Variants in PLEKHA6 observed in about 807,000 individuals in gnomAD.
PLEKHA6 encodes the protein pleckstrin homology domain-containing family A member 6.
A neutral mutation model predicts 116.7 loss-of-function variants in PLEKHA6; 60 were observed. The ratio of observed to expected loss-of-function variants is 0.51; its 90% CI spans 0.42 to 0.64. PLEKHA6 has a LOEUF of 0.64. Ranked by LOEUF, PLEKHA6 falls within the 30% of genes least tolerant of loss-of-function variation. The pLI is 0.00. For synonymous variants in PLEKHA6, 489 were observed against 556.1 expected (o/e 0.88, Z 1.70); for missense variants, 1,338 against 1,422.7 (o/e 0.94, Z 0.96).
chr1:204,236,404 C>A (rs1316054857), intron 17 of PLEKHA6, among the ~76,000 whole-genome samples: 3 of 152,094 alleles, frequency 2.0e-5, no homozygotes, highest in Non-Finnish European at 4.4e-5. Flanking sequence ...CTCATTCCAG[C>A]TGGGAGGGTC....
chr1:204,310,389 C>T (rs74919207), intron 1 of PLEKHA6, among the ~76,000 whole-genome samples: 2,225 of 152,332 alleles, frequency 0.015, 31 homozygotes, highest in Non-Finnish European at 0.024. Flanking sequence ...ACTTCCAGGT[C>T]AACTTTGACT....
At chr1:204,310,339 T>A (rs1238521403) in intron 1 of PLEKHA6, among the ~76,000 whole-genome samples, 3 of 152,242 alleles carry the variant, frequency 2.0e-5, no homozygotes, top group African/African-American at 7.2e-5. Flanking sequence ...CTTACTTCTA[T>A]CAATGTCAAT....
chr1:204,245,744 TG>T lies in PLEKHA6; in HGVS notation c.1921-19del, dbSNP rs768939493. 3 of 1,555,248 alleles carry T rather than the reference TG, an allele frequency of 1.9e-6. No homozygotes were observed. In the East Asian group the frequency reaches 6.7e-5, roughly 35 times the overall value. ...ACCTCATTCTGAAGCAGCCACACAG[TG>T]AGTCAAAGGAAATGGCCATGAGGAG... On this transcript the variant is annotated intron_variant, in intron 13 of 22. Transcript: ENST00000272203.
chr1:204,264,105 A>T (rs1259840869), intron 6 of PLEKHA6, among the ~76,000 whole-genome samples: 1 of 152,172 alleles, frequency 6.6e-6, no homozygotes, highest in Admixed American at 6.5e-5. Flanking sequence ...TTGGACAGCA[A>T]TTGTCAATTA....
intron 1 of PLEKHA6, among the ~76,000 whole-genome samples, chr1:204,315,376 C>T (rs1376649708): frequency 1.3e-5 from 2 of 152,184 alleles, no homozygotes; most frequent in Non-Finnish European, 2.9e-5. Flanking sequence ...TTCTATGGCT[C>T]CATGTGTAAG....
rs148390941 is a variant in PLEKHA6, at chr1:204,257,555, G to C, written c.1322C>G (p.Ser441Cys). 17 of 1,600,304 alleles carry C rather than the reference G, an allele frequency of 1.1e-5. No homozygotes were observed. The African/African-American group carries it at 1.7e-4, about 16-fold the overall frequency. ...CAGGGACAGGCGGCGCAGGGAGCTA[G>C]AGGCGGCATCCAGCTCATCATAATA... ...PVYYDELDAA[S>C]SSLRRLSLQP... is the part of the protein sequence containing the mutation. Residue 441 changes from serine (S) to cysteine (C), a missense_variant, in exon 9 of 23, where the codon TCT (serine) becomes TGT (cysteine). Physicochemically the swap from Ser to Cys is moderately radical, Grantham distance 112. Around this residue, in one of 3 missense-constraint regions of PLEKHA6, gnomAD observed 1,136 missense variants for 1,163.6 expected, o/e 0.98. Transcript: ENST00000272203. The surrounding 1 kb of genome is among the most constrained non-coding windows in gnomAD (Gnocchi z 6.5).
chr1:204,227,144 C>A (rs957996844), intron 21 of PLEKHA6, among the ~76,000 whole-genome samples: 6 of 152,222 alleles, frequency 3.9e-5, no homozygotes, highest in Admixed American at 6.5e-5. Context: ...TTCTAACCTG[C>A]TCATGGCCTG....
Position 204,223,731 on chromosome 1 carries a change from T to G in PLEKHA6, c.3032-146A>C, listed in dbSNP as rs1457122227. ...CACTGAGCTTGGAGCTTGCTCAAGC[T>G]AGGCCAAGCTGTCCTCATTCCCAGG... On this transcript the variant is annotated intron_variant, in intron 21 of 22. Transcript: ENST00000272203. This position sits in a 1 kb window ranked among gnomAD's most constrained non-coding sequence, Gnocchi z 4.8. The G allele has an allele frequency of 1.6e-6, 1 of 611,006 alleles. No homozygotes were observed. The highest frequency in any genetic ancestry group is 3.0e-6 in the Non-Finnish European group (1 of 338,778). 37.8% of individuals were successfully genotyped at this position (611,006 alleles called of 1,614,324 possible).
At chr1:204,260,607 TG>T (rs1356803995) in intron 7 of PLEKHA6, among the ~76,000 whole-genome samples, 1 of 152,182 alleles carries the variant, frequency 6.6e-6, no homozygotes, top group East Asian at 1.9e-4. Flanking sequence ...CATATTCAAG[TG>T]GGATTGTTGA....
intron 1 of PLEKHA6, among the ~76,000 whole-genome samples, chr1:204,374,705 T>A (rs1298025747): frequency 6.6e-6 from 1 of 152,140 alleles, no homozygotes. Context: ...TCCTCCTCTG[T>A]CTGTGTCTTC....
intron 1 of PLEKHA6, among the ~76,000 whole-genome samples, chr1:204,280,711 A>G (rs892958748): frequency 2.6e-5 from 4 of 152,252 alleles, no homozygotes; most frequent in Middle Eastern, 3.4e-3. Context: ...GCCACAGAGG[A>G]GGGGAAGGTG....
rs1660654727 is a variant in PLEKHA6 at position 204,228,244 on chromosome 1, C to T, written c.2886-16G>A. On this transcript the variant is annotated splice_polypyrimidine_tract_variant and intron_variant, in intron 20 of 22. Transcript: ENST00000272203. The surrounding 1 kb of genome is among the most constrained non-coding windows in gnomAD (Gnocchi z 4.0). The stretch of plus-strand genomic sequence containing the variant: ...GTTCTGCATACTGAAGAGGCACAGA[C>T]ACACAGAAATGGAGGGAGGGACAGG... 5 of 1,580,526 alleles carry T rather than the reference C, an allele frequency of 3.2e-6. No individual in the cohort carries two copies. The East Asian group carries it at 1.1e-4, about 36-fold the overall frequency.
intron 1 of PLEKHA6, chr1:204,311,387 A>G (rs1671651852): frequency 6.5e-6 from 1 of 152,866 alleles, no homozygotes; most frequent in Non-Finnish European, 1.5e-5. Context: ...GCTACTCGGG[A>G]GGCTGAGGCA....
chr1:204,253,833 CAAAAA>C lies in PLEKHA6; in HGVS notation c.1525-3224_1525-3220del, dbSNP rs5780222. Among the ~76,000 whole-genome samples, 116 of 131,946 alleles carry C rather than the reference CAAAAA, an allele frequency of 8.8e-4. 1 individual carries two copies. The highest frequency in any genetic ancestry group is 1.4e-3 in the East Asian group (6 of 4,438). 86.6% of individuals were successfully genotyped at this position (131,946 alleles called of 152,430 possible). A position where few individuals can be genotyped will look rare whatever the true frequency, so the allele number is the denominator to read the frequency against. On this transcript the variant is annotated intron_variant, in intron 9 of 22. Transcript: ENST00000272203. ...TAGGCAACAGAGTGAGATCTTGTCT[CAAAAA>C]AAAAAAAAAAAACAAAAACAAAAAC...
At chr1:204,321,283 GATCTGCAC>G (rs1231087901) in intron 1 of PLEKHA6, among the ~76,000 whole-genome samples, 1 of 152,114 alleles carries the variant, frequency 6.6e-6, no homozygotes, top group Non-Finnish European at 1.5e-5. Context: ...GAATCCTGAG[GATCTGCAC>G]ATGACCATAA....
intron 1 of PLEKHA6, among the ~76,000 whole-genome samples, chr1:204,291,981 A>T (rs950853915): frequency 2.6e-5 from 4 of 152,170 alleles, no homozygotes; most frequent in African/African-American, 7.2e-5. Context: ...TATTGGGCAC[A>T]CCCATTCTGT....
At chr1:204,234,457 C>G (rs1263765604) in intron 17 of PLEKHA6, among the ~76,000 whole-genome samples, 4 of 152,212 alleles carry the variant, frequency 2.6e-5, no homozygotes, top group Admixed American at 6.5e-5. Flanking sequence ...TTCACACTAC[C>G]TTGGATCAGC....
intron 1 of PLEKHA6, among the ~76,000 whole-genome samples, chr1:204,304,787 G>A (rs1239538883): frequency 6.6e-6 from 1 of 152,134 alleles, no homozygotes; most frequent in South Asian, 2.1e-4. Context: ...TACGCTTTTG[G>A]GATTCAGACC....
chr1:204,332,727 G>A lies in PLEKHA6; in HGVS notation c.-95+26967C>T, dbSNP rs541580091. On this transcript the variant is annotated intron_variant, in intron 1 of 22. Coordinates refer to ENST00000272203, the MANE Select transcript of PLEKHA6 (RefSeq NM_014935.5). ...AAGGAAACAGGCCAACAAGTCCCTC[G>A]CTGAAGGTCAAGGGACCTCAAGACT... Among the ~76,000 whole-genome samples, 5 of 152,194 alleles carry A rather than the reference G, an allele frequency of 3.3e-5. No individual in the cohort carries two copies. In the South Asian group the frequency reaches 8.3e-4, roughly 25 times the overall value.
Sources: allele counts gnomAD v4.1 joint callset (sites outside exome capture counted in the v4.1 genomes callset), GRCh38; gene constraint gnomAD v4.1.1; regional missense constraint gnomAD v4.1.1; non-coding constraint Gnocchi (gnomAD v3.1); transcripts MANE v1.5; gene names NCBI Gene and HGNC (gene_info 2026-07-23, HGNC 2026-07-21).